SLC2A9: variants seen among roughly 807,000 people sequenced by gnomAD.
SLC2A9 encodes solute carrier family 2 member 9, also known as solute carrier family 2, facilitated glucose transporter member 9.
SLC2A9 carries 39 observed loss-of-function variants against 50.6 expected under a neutral mutation model. That is an observed-to-expected ratio of 0.77 (90% confidence interval 0.60 to 1.01). The LOEUF is 1.01. SLC2A9 is among the 50% of genes least tolerant of loss of function. SLC2A9 has a pLI of 0.00. For synonymous variants in SLC2A9, 324 were observed against 276.9 expected, an observed-to-expected ratio of 1.17 and a Z score of -1.69; for missense variants, 686 against 677.6, an observed-to-expected ratio of 1.01 and a Z score of -0.14.
chr4:9,912,962 A>C (rs926500982), intron 7 of SLC2A9, among the ~76,000 whole-genome samples: 1 of 152,234 alleles, frequency 6.6e-6, no homozygotes, highest in Non-Finnish European at 1.5e-5. Flanking sequence ...TCAGAGAGGA[A>C]GAAATATTTG....
chr4:9,911,154 T>C (rs1741703922), intron 7 of SLC2A9, among the ~76,000 whole-genome samples: 1 of 151,894 alleles, frequency 6.6e-6, no homozygotes, highest in African/African-American at 2.4e-5. Flanking sequence ...ATAATAATAA[T>C]AATAATAAAG....
intron 2 of SLC2A9, among the ~76,000 whole-genome samples, chr4:10,007,658 G>T (rs1761037837): frequency 6.6e-6 from 1 of 152,220 alleles, no homozygotes. Flanking sequence ...ATTCTTTTGA[G>T]AGGTTGCATA....
chr4:9,783,070 C>T (rs780675145), intron 3 of SLC2A9: 27 of 1,614,116 alleles, frequency 1.7e-5, no homozygotes, highest in African/African-American at 2.7e-5. Context: ...TCGTCTGGTT[C>T]GGCTGGGCTA....
intron 7 of SLC2A9, among the ~76,000 whole-genome samples, chr4:9,918,036 A>G (rs2110068460): frequency 6.6e-6 from 1 of 151,840 alleles, no homozygotes; most frequent in South Asian, 2.1e-4. Flanking sequence ...GACCTTGGGC[A>G]ATGCCTGACC....
chr4:9,865,976 G>C (rs1732396453), intron 10 of SLC2A9, among the ~76,000 whole-genome samples: 1 of 152,138 alleles, frequency 6.6e-6, no homozygotes, highest in Admixed American at 6.5e-5. Flanking sequence ...AGAGAAGTGA[G>C]GCACAGCCGA....
chr4:9,783,361 C>G (rs1489111041), intron 3 of SLC2A9: 2 of 1,614,212 alleles, frequency 1.2e-6, no homozygotes, highest in South Asian at 2.2e-5. Flanking sequence ...ATCAGACGTC[C>G]CCAGATGGTG....
intron 8 of SLC2A9, among the ~76,000 whole-genome samples, chr4:9,895,734 GCA>G (rs1329756503): frequency 6.6e-6 from 1 of 152,174 alleles, no homozygotes; most frequent in Non-Finnish European, 1.5e-5. Flanking sequence ...CATTTGAATT[GCA>G]CAGTCTTGTA....
At chr4:9,931,913 ACTCTCTCTCTCTCTCTCTCTCTCTCT>A (rs1163786274) in intron 6 of SLC2A9, among the ~76,000 whole-genome samples, 3 of 15,686 alleles carry the variant, frequency 1.9e-4, no homozygotes, top group African/African-American at 9.7e-4. Flanking sequence ...AATGAGAATG[ACTCTCTCTCTCTCTCTCTCTCTCTCT>A]CTCTCTCTCT....
At chr4:9,980,257 T>A (rs1248570250) in intron 5 of SLC2A9, among the ~76,000 whole-genome samples, 2 of 152,240 alleles carry the variant, frequency 1.3e-5, no homozygotes, top group Non-Finnish European at 2.9e-5. Flanking sequence ...ACAATGTGTA[T>A]GGCATAATTC....
chr4:9,799,692 A>ACCCCACCCCCCCCCCC (rs747864798), intron 3 of SLC2A9, among the ~76,000 whole-genome samples: 1 of 69,812 alleles, frequency 1.4e-5, no homozygotes, highest in African/African-American at 5.7e-5. Flanking sequence ...TTCCAATTGT[A>ACCCCACCCCCCCCCCC]CCCCCCCCCC....
intron 10 of SLC2A9, among the ~76,000 whole-genome samples, chr4:9,855,031 C>A (rs761816496): frequency 6.6e-6 from 1 of 152,072 alleles, no homozygotes; most frequent in South Asian, 2.1e-4. Flanking sequence ...CTGGAAACAT[C>A]CCCCTTGAGA....
chr4:9,821,642 A>G (rs565060967), downstream of SLC2A9, among the ~76,000 whole-genome samples: 4 of 152,066 alleles, frequency 2.6e-5, no homozygotes, highest in East Asian at 7.8e-4. Context: ...AACTTAAAGT[A>G]TATCTAAAAA....
At position 9,845,162 on chromosome 4, in the gene SLC2A9, C is replaced by T. The variant is rs187765151; in HGVS notation, c.1292-10154G>A. ...CTGAGTAGCTGGGACTACAGGTGCC[C>T]GCCACCACACATGGATAATTTTTTG... On this transcript the variant is annotated intron_variant, in intron 10 of 11. Coordinates refer to ENST00000264784, the MANE Select transcript of SLC2A9 (RefSeq NM_020041.3). Among the ~76,000 whole-genome samples the T allele has an allele frequency of 5.5e-4, 83 of 151,686 alleles. 1 individual carries two copies. The East Asian group carries it at 0.011, about 20-fold the overall frequency.
intron 5 of SLC2A9, among the ~76,000 whole-genome samples, chr4:9,964,436 A>T (rs1752760013): frequency 6.6e-6 from 1 of 152,204 alleles, no homozygotes; most frequent in Non-Finnish European, 1.5e-5. Flanking sequence ...ATTTCCCTTC[A>T]AAGGAAATTC....
chr4:9,828,040 G>A (rs957975748), intron 11 of SLC2A9, among the ~76,000 whole-genome samples: 1 of 152,170 alleles, frequency 6.6e-6, no homozygotes, highest in Admixed American at 6.5e-5. Flanking sequence ...AGGCGGAATG[G>A]ACATCTGACT....
At chr4:9,807,159 C>T (rs533514497) in intron 3 of SLC2A9, among the ~76,000 whole-genome samples, 2 of 152,292 alleles carry the variant, frequency 1.3e-5, no homozygotes, top group Non-Finnish European at 2.9e-5. Flanking sequence ...GCTGACACTT[C>T]CACAAGGGAT....
rs560158623 is a variant in SLC2A9 at position 9,941,657 on chromosome 4, C to T, written c.814+256G>A. ...CACTGCACAGAAGTGAGGGAACCTG[C>T]GTCTTATCTTGTCTGTTCTGGCTTT... is the stretch of plus-strand genomic sequence containing the variant. On this transcript the variant is annotated intron_variant, in intron 6 of 11. Transcript: ENST00000264784. 6.6e-5 allele frequency among the ~76,000 whole-genome samples: 10 copies of T among 152,298 alleles called. No individual in the cohort carries two copies. The East Asian group carries it at 7.7e-4, about 12-fold the overall frequency.
intron 6 of SLC2A9, among the ~76,000 whole-genome samples, chr4:9,926,125 C>A (rs189130002): frequency 1.3e-5 from 2 of 152,048 alleles, no homozygotes; most frequent in East Asian, 3.9e-4. Flanking sequence ...TGAGCCCACA[C>A]CTGGGAGTGC....
intron 10 of SLC2A9, among the ~76,000 whole-genome samples, chr4:9,870,161 G>A (rs1434913776): frequency 6.6e-6 from 1 of 152,250 alleles, no homozygotes; most frequent in African/African-American, 2.4e-5. Context: ...CATCCCTACT[G>A]AAGCCTCGAT....
Sources: allele counts gnomAD v4.1 joint callset (sites outside exome capture counted in the v4.1 genomes callset), GRCh38; gene constraint gnomAD v4.1.1; transcripts MANE v1.5; gene names NCBI Gene and HGNC (gene_info 2026-07-23, HGNC 2026-07-21).